The following CANX variants were observed in gnomAD, a reference collection of about 807,000 sequenced individuals.
CANX encodes calnexin.
A neutral mutation model predicts 75.7 loss-of-function variants in CANX; 14 were observed. The observed-to-expected ratio is 0.19, with a 90% CI of 0.12 to 0.29. The LOEUF is 0.29. Among genes scored for constraint, CANX ranks in the 10% least tolerant of loss-of-function variants. The probability of loss-of-function intolerance (pLI) is 1.00; values close to 1 mark genes in which losing one functional copy is unlikely to be tolerated. For missense variants in CANX, 567 were observed against 713.2 expected, an observed-to-expected ratio of 0.79 and a Z score of 2.34; for synonymous variants, 227 against 236.9, an observed-to-expected ratio of 0.96 and a Z score of 0.38.
chr5:179,706,483 G>T lies in CANX; in HGVS notation c.245+152G>T, dbSNP rs539928183. 552 of 516,442 alleles carry T rather than the reference G, an allele frequency of 1.1e-3. 1 individual carries two copies. Among genetic ancestry groups the T allele is most frequent in the Non-Finnish European group, 1.6e-3 (476 of 298,304 alleles). 32.0% of individuals were successfully genotyped at this position (516,442 alleles called of 1,614,324 possible). On this transcript the variant is annotated intron_variant, in intron 3 of 14. Coordinates refer to ENST00000247461, the MANE Select transcript of CANX (RefSeq NM_001746.4). ...TTTTGAGACAGAATTTCGCTCTTTT[G>T]CCTGGGCTGGAGTGCAATGGCGTGA...
At chr5:179,689,650 A>G (rs1581820150) in intron 1 of CANX, among the ~76,000 whole-genome samples, 1 of 152,072 alleles carries the variant, frequency 6.6e-6, no homozygotes, top group Admixed American at 6.6e-5. Flanking sequence ...TCGGCCTCCC[A>G]AAGTGTTGGG....
intron 8 of CANX, among the ~76,000 whole-genome samples, chr5:179,718,844 TG>T (rs1354495050): frequency 5.3e-5 from 8 of 151,934 alleles, no homozygotes; most frequent in African/African-American, 1.9e-4. Flanking sequence ...TTGTATTTTT[TG>T]GTAGAGACAG....
Position 179,724,719 on chromosome 5 carries a change from GGAA to G in CANX, c.1587_1589del (p.Glu530del). On this transcript the variant is annotated inframe_deletion, in exon 13 of 15. Transcript: ENST00000247461. The stretch of plus-strand genomic sequence containing the variant: ...CACCTCAACCGGATGTGAAGGAAGA[GGAA>G]GAAGAGAAGGAAGAGGAAAAGGACA... 6.2e-7 allele frequency: 1 copy of G among 1,612,730 alleles called. No homozygotes were observed. The highest frequency in any genetic ancestry group is 1.1e-5 in the South Asian group (1 of 91,064).
chr5:179,703,968 T>C (rs976949439), intron 1 of CANX, among the ~76,000 whole-genome samples: 2 of 152,136 alleles, frequency 1.3e-5, no homozygotes, highest in African/African-American at 2.4e-5. Context: ...GGTGACTGTG[T>C]GGGCAGAGGA....
At chr5:179,689,042 A>G (rs183232693) in intron 1 of CANX, among the ~76,000 whole-genome samples, 371 of 152,164 alleles carry the variant, frequency 2.4e-3, no homozygotes, top group East Asian at 4.1e-3. Context: ...TGAGGTCAGG[A>G]GTTCAAGACC....
At chr5:179,712,022 C>T (rs1301310441) in intron 7 of CANX, among the ~76,000 whole-genome samples, 5 of 150,152 alleles carry the variant, frequency 3.3e-5, no homozygotes, top group South Asian at 2.1e-4. Context: ...CACTTGAACC[C>T]GGGAGGCGGA....
chr5:179,703,590 A>T (rs533493961), intron 1 of CANX, among the ~76,000 whole-genome samples: 1 of 151,486 alleles, frequency 6.6e-6, no homozygotes, highest in South Asian at 2.1e-4. Context: ...GGTGTGTGCT[A>T]CCATACCTGG....
At chr5:179,698,621 T>C (rs1437349555), upstream of CANX, 3 of 1,280,812 alleles carry the variant, frequency 2.3e-6, no homozygotes, top group African/African-American at 1.5e-5. Flanking sequence ...CTACTGGGGG[T>C]TGGGTTGGAA....
At chr5:179,710,600 T>C (rs1777478187) in intron 7 of CANX, among the ~76,000 whole-genome samples, 1 of 145,996 alleles carries the variant, frequency 6.8e-6, no homozygotes, top group Admixed American at 7.0e-5. Context: ...CGCAGCTACT[T>C]GGGAGGCTGA....
intron 1 of CANX, among the ~76,000 whole-genome samples, chr5:179,686,043 A>G (rs1321776316): frequency 6.6e-6 from 1 of 151,310 alleles, no homozygotes; most frequent in Non-Finnish European, 1.5e-5. Flanking sequence ...AGCCAATGCT[A>G]TTAAGCATCT....
rs1013531074 is a variant in CANX at position 179,725,441 on chromosome 5, G to C, written c.1645+658G>C. Among the ~76,000 whole-genome samples the C allele has an allele frequency of 3.9e-5, 6 of 151,934 alleles. No individual in the cohort carries two copies. The East Asian group carries it at 9.7e-4, about 25-fold the overall frequency. ...TCACGCCTGTAATTCCAGCACTTTGGGGGGCCGAAGCAGGCAGATCACGAG... is the reference window on the plus strand; with the variant it reads ...TCACGCCTGTAATTCCAGCACTTTGCGGGGCCGAAGCAGGCAGATCACGAG... On this transcript the variant is annotated intron_variant, in intron 13 of 14. Transcript: ENST00000247461.
At chr5:179,728,548 T>C (rs1305865597) in intron 14 of CANX, 43 bp from the exon 15 acceptor site, 3 of 1,190,332 alleles carry the variant, frequency 2.5e-6, no homozygotes, top group Non-Finnish European at 3.7e-6. Context: ...TTTTATTATT[T>C]TTTAAATGTG....
chr5:179,680,791 G>C, intron 1 of CANX: 1 of 1,108,436 alleles, frequency 9.0e-7, no homozygotes, highest in Non-Finnish European at 1.3e-6. Flanking sequence ...AACTAGAGCA[G>C]GGTTCCCTCT....
Position 179,705,685 on chromosome 5 carries a change from G to A in CANX, c.4G>A (p.Glu2Lys), listed in dbSNP as rs200510202. The A allele has an allele frequency of 2.5e-6, 4 of 1,593,772 alleles. No homozygotes were observed. The highest frequency in any genetic ancestry group is 2.3e-5 in the East Asian group (1 of 44,058). Residue 2 changes from glutamate (E) to lysine (K), a missense_variant, in exon 2 of 15, where the codon GAA (glutamate) becomes AAA (lysine). Physicochemically the swap from Glu to Lys is moderately conservative, Grantham distance 56. Transcript: ENST00000247461. The stretch of plus-strand genomic sequence containing the variant: ...TTTTGCTCTTTATGTGTAGATCATG[G>A]AAGGGAAGTGGTTGCTGTGTATGTT... M[E>K]GKWLLCMLLV...
chr5:179,714,079 A>G (rs1777760541), intron 7 of CANX, among the ~76,000 whole-genome samples: 1 of 151,976 alleles, frequency 6.6e-6, no homozygotes, highest in African/African-American at 2.4e-5. Context: ...GCTCACTGCA[A>G]CTTCTGCCTC....
At chr5:179,705,425 A>G (rs1359537461) in intron 1 of CANX, among the ~76,000 whole-genome samples, 2 of 152,208 alleles carry the variant, frequency 1.3e-5, no homozygotes, top group African/African-American at 4.8e-5. Context: ...TGTGTAACCA[A>G]TCCTCTCTAT....
intron 1 of CANX, chr5:179,680,861 G>T (rs1163215885): frequency 6.5e-7 from 1 of 1,534,782 alleles, no homozygotes; most frequent in Non-Finnish European, 8.7e-7. Flanking sequence ...ACAGAGGCTG[G>T]ATGGTACATA....
intron 1 of CANX, among the ~76,000 whole-genome samples, chr5:179,686,030 A>C (rs1776184328): frequency 1.3e-5 from 2 of 151,880 alleles, no homozygotes; most frequent in African/African-American, 4.8e-5. Context: ...GCATTTCTCT[A>C]ACAGCCAATG....
intron 1 of CANX, among the ~76,000 whole-genome samples, chr5:179,689,597 C>T (rs541103952): frequency 6.6e-6 from 1 of 152,116 alleles, no homozygotes; most frequent in East Asian, 1.9e-4. Flanking sequence ...ACCGTGTTGG[C>T]CAGGCTGGTC....
Sources: gnomAD v4.1 joint callset for allele counts (sites outside exome capture counted in the v4.1 genomes callset) on GRCh38, gnomAD v4.1.1 for gene constraint, MANE v1.5 for transcripts, NCBI Gene and HGNC (gene_info 2026-07-23, HGNC 2026-07-21) for gene names.